The following NR3C2 variants were observed in gnomAD, a reference collection of about 807,000 sequenced individuals.
NR3C2 encodes mineralocorticoid receptor.
Under a neutral mutation model 86.4 loss-of-function variants are expected in NR3C2, and 15 were observed. The ratio of observed to expected loss-of-function variants is 0.17; its 90% CI spans 0.12 to 0.27. The LOEUF (loss-of-function observed/expected upper bound fraction) is 0.27. Ranked by LOEUF, NR3C2 falls within the 10% of genes least tolerant of loss-of-function variation. The pLI, the probability that NR3C2 is intolerant of heterozygous loss-of-function variation, is 1.00. For missense variants in NR3C2, 960 were observed against 1,195.6 expected, an observed-to-expected ratio of 0.80 and a Z score of 2.91; for synonymous variants, 458 against 450.5, an observed-to-expected ratio of 1.02 and a Z score of -0.21.
chr4:148,113,798 T>C (rs1732149734), intron 8 of NR3C2, among the ~76,000 whole-genome samples: 1 of 152,200 alleles, frequency 6.6e-6, no homozygotes, highest in Admixed American at 6.5e-5. Flanking sequence ...TCGAGGCCCT[T>C]TGTCATGGGT....
intron 2 of NR3C2, among the ~76,000 whole-genome samples, chr4:148,364,283 C>T (rs534483805): frequency 4.6e-5 from 7 of 152,298 alleles, no homozygotes; most frequent in African/African-American, 9.6e-5. Context: ...ATGAAACATG[C>T]GCTTTTCTCC....
intron 3 of NR3C2, among the ~76,000 whole-genome samples, chr4:148,218,649 G>A (rs1456894258): frequency 2.0e-5 from 3 of 152,084 alleles, no homozygotes; most frequent in African/African-American, 7.2e-5. Context: ...CCCTAAAAAG[G>A]TCTCTTCTGC....
chr4:148,332,350 T>G (rs1010110425), intron 2 of NR3C2, among the ~76,000 whole-genome samples: 1 of 152,220 alleles, frequency 6.6e-6, no homozygotes, highest in African/African-American at 2.4e-5. Context: ...TTCAATCTTT[T>G]AGGAGGACAT....
intron 6 of NR3C2, among the ~76,000 whole-genome samples, chr4:148,131,383 A>G (rs924459269): frequency 2.0e-5 from 3 of 152,192 alleles, no homozygotes; most frequent in Admixed American, 1.3e-4. Flanking sequence ...CAGATGGTCC[A>G]TGTCTCAGGC....
At chr4:148,175,957 C>T (rs547983306) in intron 4 of NR3C2, among the ~76,000 whole-genome samples, 6 of 152,118 alleles carry the variant, frequency 3.9e-5, no homozygotes, top group Non-Finnish European at 7.4e-5. Context: ...ACAGCCTAAG[C>T]GACAGCAAGA....
At position 148,103,920 on chromosome 4, in the gene NR3C2, C is replaced by T. The variant is rs148495244; in HGVS notation, c.2799+10184G>A. On this transcript the variant is annotated intron_variant, in intron 8 of 8. Transcript: ENST00000358102. ...GCATCTAGGCCATGCTTTTCCTTCACGCTGAAATCACATTTTCACCTATTA... is the reference window on the plus strand; with the variant it reads ...GCATCTAGGCCATGCTTTTCCTTCATGCTGAAATCACATTTTCACCTATTA... Among the ~76,000 whole-genome samples the T allele has an allele frequency of 1.4e-3, 207 of 152,306 alleles. 3 individuals carry two copies. The South Asian group carries it at 0.035, about 26-fold the overall frequency.
chr4:148,444,748 A>G, upstream of NR3C2: 2 of 985,002 alleles, frequency 2.0e-6, no homozygotes, highest in African/African-American at 3.5e-5. Flanking sequence ...CAAATCGCGC[A>G]GAGGGGGACG....
chr4:148,103,897 A>G (rs1441045857), intron 8 of NR3C2, among the ~76,000 whole-genome samples: 2 of 152,162 alleles, frequency 1.3e-5, no homozygotes, highest in African/African-American at 4.8e-5. Flanking sequence ...ACCTCAAGGC[A>G]TCTAGGCCAT....
intron 2 of NR3C2, among the ~76,000 whole-genome samples, chr4:148,361,881 A>T (rs1460946333): frequency 6.6e-6 from 1 of 152,104 alleles, no homozygotes; most frequent in Non-Finnish European, 1.5e-5. Flanking sequence ...CCTATCACCA[A>T]GGCTGGAGTG....
intron 4 of NR3C2, among the ~76,000 whole-genome samples, chr4:148,191,730 T>G (rs1429873807): frequency 3.9e-5 from 6 of 152,246 alleles, no homozygotes; most frequent in African/African-American, 1.4e-4. Context: ...TTAAAGACCA[T>G]GTCTTTGAGC....
intron 2 of NR3C2, among the ~76,000 whole-genome samples, chr4:148,323,661 CCTTT>C: frequency 6.6e-6 from 1 of 152,230 alleles, no homozygotes; most frequent in Non-Finnish European, 1.5e-5. Context: ...GTCAGTCACC[CCTTT>C]CTTTGACTCG....
intron 3 of NR3C2, among the ~76,000 whole-genome samples, chr4:148,254,740 G>T (rs1739742371): frequency 6.6e-6 from 1 of 152,056 alleles, no homozygotes; most frequent in African/African-American, 2.4e-5. Flanking sequence ...ATATCTTTAA[G>T]GTGTTTCATA....
Position 148,289,150 on chromosome 4 carries a change from T to G in NR3C2, c.1758-29033A>C, listed in dbSNP as rs184733274. ...ACTGGATATGCAATAATTGTTAATT[T>G]TCTTAGGTATCACTAGGATAGTAAG... On this transcript the variant is annotated intron_variant, in intron 2 of 8. Coordinates refer to ENST00000358102, the MANE Select transcript of NR3C2 (RefSeq NM_000901.5). Among the ~76,000 whole-genome samples, 4 of 152,242 alleles carry G rather than the reference T, an allele frequency of 2.6e-5. No individual in the cohort carries two copies. The East Asian group carries it at 7.7e-4, about 29-fold the overall frequency.
At chr4:148,253,564 T>A (rs1739680065) in intron 3 of NR3C2, among the ~76,000 whole-genome samples, 1 of 152,178 alleles carries the variant, frequency 6.6e-6, no homozygotes, top group Non-Finnish European at 1.5e-5. Context: ...TGCATCCACT[T>A]TCATGGATGA....
intron 4 of NR3C2, among the ~76,000 whole-genome samples, chr4:148,186,296 A>G (rs960901203): frequency 1.3e-5 from 2 of 151,518 alleles, no homozygotes; most frequent in African/African-American, 2.4e-5. Context: ...TCCTTTACCC[A>G]TTTTTTTAAT....
At chr4:148,171,595 G>A (rs987860954) in intron 4 of NR3C2, among the ~76,000 whole-genome samples, 9 of 152,188 alleles carry the variant, frequency 5.9e-5, no homozygotes, top group Admixed American at 3.3e-4. Context: ...AATAGGGTTC[G>A]TGCTCCTATG....
chr4:148,361,834 G>GTTGTTGTTGTTA (rs1482712202), intron 2 of NR3C2, among the ~76,000 whole-genome samples: 1 of 151,860 alleles, frequency 6.6e-6, no homozygotes, highest in Non-Finnish European at 1.5e-5. Context: ...AAGTTTTGTT[G>GTTGTTGTTGTTA]TTATTATTGT....
At chr4:148,439,904 C>T (rs1750255369) in intron 1 of NR3C2, among the ~76,000 whole-genome samples, 1 of 152,188 alleles carries the variant, frequency 6.6e-6, no homozygotes, top group African/African-American at 2.4e-5. Flanking sequence ...CAAGGTAGCA[C>T]CTTACCAGCT....
intron 3 of NR3C2, among the ~76,000 whole-genome samples, chr4:148,257,914 A>T (rs560821139): frequency 1.1e-4 from 16 of 152,172 alleles, no homozygotes; most frequent in Non-Finnish European, 2.1e-4. Flanking sequence ...TTCATTATCC[A>T]TGGATCGATC....
Sources: allele counts gnomAD v4.1 joint callset (sites outside exome capture counted in the v4.1 genomes callset), GRCh38; gene constraint gnomAD v4.1.1; transcripts MANE v1.5; gene names NCBI Gene and HGNC (gene_info 2026-07-23, HGNC 2026-07-21).